The following UBR3 variants were observed in gnomAD, a reference collection of about 807,000 sequenced individuals.
UBR3 encodes E3 ubiquitin-protein ligase UBR3.
A neutral mutation model predicts 243.2 loss-of-function variants in UBR3; 85 were observed. The observed-to-expected ratio is 0.35, with a 90% CI of 0.29 to 0.42. The LOEUF (loss-of-function observed/expected upper bound fraction) is 0.42, where lower values mean the gene tolerates loss of function less well. Among genes scored for constraint, UBR3 ranks in the 10% least tolerant of loss-of-function variants. UBR3 has a pLI of 1.00. For synonymous variants in UBR3, 748 were observed against 799.8 expected (o/e 0.94, Z 1.09); for missense variants, 1,686 against 2,300.8 (o/e 0.73, Z 5.47).
At chr2:169,856,708 T>C (rs1559026306) in intron 1 of UBR3, among the ~76,000 whole-genome samples, 1 of 151,972 alleles carries the variant, frequency 6.6e-6, no homozygotes, top group Non-Finnish European at 1.5e-5. Flanking sequence ...GGCGCGCGCC[T>C]GCAATCCCAG....
At chr2:169,895,736 A>G (rs1044190160) in intron 7 of UBR3, among the ~76,000 whole-genome samples, 1 of 152,218 alleles carries the variant, frequency 6.6e-6, no homozygotes, top group African/African-American at 2.4e-5. Context: ...GTTGCTGGTC[A>G]CAACTGCTAA....
At chr2:170,002,690 T>G (rs2089756875) in intron 27 of UBR3, among the ~76,000 whole-genome samples, 1 of 152,174 alleles carries the variant, frequency 6.6e-6, no homozygotes. Flanking sequence ...AGGTAACTTC[T>G]TTTTCTTCTG....
chr2:169,960,256 AG>A lies in UBR3; in HGVS notation c.3634+1731del, dbSNP rs912802335. ...AAGAGCAAAAAAAAAAAAAAAAAAA[AG>A]ATTGTATAAAATCACCGTAGCCTGT... On this transcript the variant is annotated intron_variant, in intron 24 of 38. Coordinates refer to ENST00000272793, the MANE Select transcript of UBR3 (RefSeq NM_172070.4). Among the ~76,000 whole-genome samples the A allele has an allele frequency of 4.4e-4, 67 of 151,330 alleles. No homozygotes were observed. In the East Asian group the frequency reaches 0.011, roughly 24 times the overall value.
chr2:170,079,403 A>T (rs935513072), intron 36 of UBR3, among the ~76,000 whole-genome samples: 2 of 152,214 alleles, frequency 1.3e-5, no homozygotes, highest in African/African-American at 4.8e-5. Context: ...CCTAAAGAAA[A>T]AGCTAAAGAA....
Position 169,924,130 on chromosome 2 carries a change from AG to A in UBR3, c.1981del (p.Glu661LysfsTer3). 6.5e-7 allele frequency: 1 copy of A among 1,548,688 alleles called. No individual in the cohort carries two copies. Among genetic ancestry groups the A allele is most frequent in the Non-Finnish European group, 8.7e-7 (1 of 1,146,152 alleles). ...GATTTGGATTCTGTTTTACCAGATC[AG>A]GAAATGTTAATGAAACTAATGATTC... ...ELDLDSVLPDQEMLMKLMIHP... is the reference protein window; with the variant it reads ...ELDLDSVLPDXEMLMKLMIHP... On this transcript the variant is annotated frameshift_variant, in exon 13 of 39. Coordinates refer to ENST00000272793, the MANE Select transcript of UBR3 (RefSeq NM_172070.4). LOFTEE classifies it high-confidence loss of function.
At chr2:170,048,772 G>A (rs1330159242) in intron 32 of UBR3, among the ~76,000 whole-genome samples, 1 of 152,194 alleles carries the variant, frequency 6.6e-6, no homozygotes, top group Non-Finnish European at 1.5e-5. Flanking sequence ...GAAAAAAATT[G>A]TATGCTGAGG....
intron 1 of UBR3, among the ~76,000 whole-genome samples, chr2:169,850,903 T>C (rs1002412467): frequency 2.0e-5 from 3 of 152,052 alleles, no homozygotes; most frequent in African/African-American, 7.2e-5. Context: ...CAGGGAGACA[T>C]GGAGAAAAGA....
chr2:169,932,624 A>AAAC lies in UBR3; in HGVS notation c.2567-273_2567-271dup, dbSNP rs904447473. On this transcript the variant is annotated intron_variant, in intron 18 of 38. Coordinates refer to ENST00000272793, the MANE Select transcript of UBR3 (RefSeq NM_172070.4). The stretch of plus-strand genomic sequence containing the variant: ...TGTTTCTTTCTAATTGGCACCTTAC[A>AAAC]AACAACAACAACAACAATGAAGTAA... 4.6e-5 allele frequency among the ~76,000 whole-genome samples: 7 copies of AAAC among 152,164 alleles called. No individual in the cohort carries two copies. The Middle Eastern group carries it at 0.014, about 296-fold the overall frequency.
chr2:169,924,214 T>C, intron 13 of UBR3, 41 bp downstream of exon 13: 1 of 1,398,700 alleles, frequency 7.1e-7, no homozygotes, highest in African/African-American at 1.5e-5. Flanking sequence ...AGTGGATTCC[T>C]TGTTTAAGTG....
At chr2:170,013,855 G>A (rs1320366210) in intron 29 of UBR3, 3 of 463,892 alleles carry the variant, frequency 6.5e-6, no homozygotes, top group South Asian at 3.2e-5. Flanking sequence ...GGCAACAGAA[G>A]ATTTGTGAAA....
At chr2:169,903,232 G>A (rs754195655) in intron 8 of UBR3, among the ~76,000 whole-genome samples, 5 of 152,060 alleles carry the variant, frequency 3.3e-5, no homozygotes, top group Non-Finnish European at 5.9e-5. Context: ...ATTCCAAGGC[G>A]TTTTTTACAA....
At chr2:169,924,045 T>C in intron 12 of UBR3, 39 bp from the exon 13 acceptor site, 1 of 1,522,180 alleles carries the variant, frequency 6.6e-7, no homozygotes, top group Non-Finnish European at 8.8e-7. Context: ...TTTTCAGAAA[T>C]AAGAATTGAA....
chr2:170,026,816 G>A (rs2090541474), intron 30 of UBR3, among the ~76,000 whole-genome samples: 1 of 152,008 alleles, frequency 6.6e-6, no homozygotes, highest in Non-Finnish European at 1.5e-5. Context: ...GCAGTTGGTA[G>A]TTAATACATT....
chr2:169,837,648 A>G (rs542467364), intron 1 of UBR3, among the ~76,000 whole-genome samples: 1 of 152,324 alleles, frequency 6.6e-6, no homozygotes, highest in Non-Finnish European at 1.5e-5. Context: ...GAAATGCCAG[A>G]TGCTTATAAA....
chr2:169,904,451 G>C (rs924378154), intron 8 of UBR3, among the ~76,000 whole-genome samples: 2 of 152,054 alleles, frequency 1.3e-5, no homozygotes, highest in East Asian at 3.8e-4. Flanking sequence ...GAGAGTGAAT[G>C]CATATATACT....
intron 30 of UBR3, among the ~76,000 whole-genome samples, chr2:170,022,694 AAT>A (rs2090423024): frequency 6.6e-6 from 1 of 152,082 alleles, no homozygotes; most frequent in Non-Finnish European, 1.5e-5. Flanking sequence ...TATCTTACAT[AAT>A]ATGTTATTAT....
At chr2:170,018,388 G>A (rs551979082) in intron 30 of UBR3, among the ~76,000 whole-genome samples, 18 of 152,166 alleles carry the variant, frequency 1.2e-4, no homozygotes, top group African/African-American at 1.9e-4. Context: ...AGCCATGTGC[G>A]TTAGTTCTCA....
intron 24 of UBR3, among the ~76,000 whole-genome samples, chr2:169,962,610 T>C (rs1220747789): frequency 6.6e-6 from 1 of 152,232 alleles, no homozygotes; most frequent in East Asian, 1.9e-4. Flanking sequence ...GATCTTTTAA[T>C]TTTTTAATGT....
At chr2:169,893,579 G>C (rs1021763325) in intron 6 of UBR3, among the ~76,000 whole-genome samples, 2 of 152,136 alleles carry the variant, frequency 1.3e-5, no homozygotes, top group African/African-American at 4.8e-5. Context: ...TTTCAGCACA[G>C]GGTCTCACTG....
Sources: gnomAD v4.1 joint callset for allele counts (sites outside exome capture counted in the v4.1 genomes callset) on GRCh38, gnomAD v4.1.1 for gene constraint, MANE v1.5 for transcripts, NCBI Gene and HGNC (gene_info 2026-07-23, HGNC 2026-07-21) for gene names.